Variants in IL1RAP observed in about 807,000 individuals in gnomAD.
The protein encoded by IL1RAP is interleukin 1 receptor accessory protein.
In IL1RAP, 35 loss-of-function variants were observed where a neutral mutation model predicts 60.7. That is an observed-to-expected ratio of 0.58 (90% CI 0.44 to 0.76). The LOEUF is 0.76. Ranked by LOEUF, IL1RAP falls within the 30% of genes least tolerant of loss-of-function variation. IL1RAP has a pLI of 0.00. For missense variants in IL1RAP, 572 were observed against 693.9 expected (o/e 0.82, Z 1.97); for synonymous variants, 268 against 250.9 (o/e 1.07, Z -0.64).
intron 1 of IL1RAP, chr3:190,518,031 G>C (rs781312139): frequency 1.3e-5 from 2 of 150,344 alleles, no homozygotes; most frequent in Non-Finnish European, 3.0e-5. Flanking sequence ...CAGAACATTT[G>C]GTAAGTGATA....
intron 1 of IL1RAP, among the ~76,000 whole-genome samples, chr3:190,522,326 C>G (rs554632650): frequency 1.4e-5 from 2 of 146,742 alleles, no homozygotes; most frequent in Admixed American, 6.7e-5. Flanking sequence ...TCCTTCCTTC[C>G]TTCCTTCCTT....
In IL1RAP at chr3:190,650,226, C is replaced by T. The variant is rs546454482; in HGVS notation, c.*1521C>T. The T allele has an allele frequency of 5.4e-4, 531 of 984,638 alleles. No homozygotes were observed. In the African/African-American group the frequency reaches 9.0e-3, roughly 17 times the overall value. 61.0% of individuals were successfully genotyped at this position (984,638 alleles called of 1,614,324 possible). A position where few individuals can be genotyped will look rare whatever the true frequency, so the allele number is the denominator to read the frequency against. ...TTTCTGTACATATTATTTGTTAATT[C>T]ACAGCTCACAGAGTGATAGTTGTCA... On this transcript the variant is annotated 3_prime_UTR_variant, in exon 12 of 12. Transcript: ENST00000447382.
At chr3:190,567,864 G>A (rs899178735) in intron 3 of IL1RAP, among the ~76,000 whole-genome samples, 2 of 151,874 alleles carry the variant, frequency 1.3e-5, no homozygotes, top group Non-Finnish European at 2.9e-5. Context: ...TAATAAACTC[G>A]AAGAAGTTCT....
chr3:190,532,437 T>C (rs535791183), intron 1 of IL1RAP, among the ~76,000 whole-genome samples: 15 of 152,180 alleles, frequency 9.9e-5, no homozygotes, highest in African/African-American at 3.4e-4. Flanking sequence ...TAATTTTTTG[T>C]ATTTTTAGTA....
chr3:190,603,134 A>G (rs1187171000), intron 3 of IL1RAP, among the ~76,000 whole-genome samples: 2 of 152,190 alleles, frequency 1.3e-5, no homozygotes, highest in African/African-American at 4.8e-5. Flanking sequence ...GGGTGGTAAG[A>G]TAGACTCTTG....
intron 3 of IL1RAP, among the ~76,000 whole-genome samples, chr3:190,590,754 T>G (rs1236446358): frequency 1.3e-5 from 2 of 152,240 alleles, no homozygotes; most frequent in African/African-American, 4.8e-5. Context: ...TGTTCCAGTC[T>G]TCCTGGGTTT....
At position 190,553,836 on chromosome 3, in the gene IL1RAP, G is replaced by A. The variant is rs909260054; in HGVS notation, c.-88-2294G>A. On this transcript the variant is annotated intron_variant, in intron 1 of 11. Coordinates refer to ENST00000447382, the MANE Select transcript of IL1RAP (RefSeq NM_002182.4). ...AGCACTTTGGGAGGCCGAGGCGGGC[G>A]GATCACGAGGTCAGGAGATCGAGAC... Among the ~76,000 whole-genome samples, 24 of 151,924 alleles carry A rather than the reference G, an allele frequency of 1.6e-4. 1 individual carries two copies. The highest frequency in any genetic ancestry group is 5.8e-4 in the African/African-American group (24 of 41,494).
chr3:190,534,913 T>TAAAAAAAAAAA (rs77663032), intron 1 of IL1RAP, among the ~76,000 whole-genome samples: 1 of 127,526 alleles, frequency 7.8e-6, no homozygotes, highest in African/African-American at 3.0e-5. Context: ...GTAAGAGAAT[T>TAAAAAAAAAAA]AAAAAAAAAA....
intron 3 of IL1RAP, among the ~76,000 whole-genome samples, chr3:190,571,546 T>G (rs1264685847): frequency 1.3e-5 from 2 of 152,068 alleles, no homozygotes; most frequent in Non-Finnish European, 2.9e-5. Flanking sequence ...ACAACTATAG[T>G]TGAAATATAG....
rs6787861 is a variant in IL1RAP at position 190,634,738 on chromosome 3, A to T, written c.1051+5240A>T. 4.3e-5 allele frequency among the ~76,000 whole-genome samples: 6 copies of T among 140,756 alleles called. 1 individual carries two copies. The East Asian group carries it at 6.5e-4, about 15-fold the overall frequency. The allele number at this position is 140,756 out of a possible 152,430, so 92.3% of individuals were successfully genotyped here. A position where few individuals can be genotyped will look rare whatever the true frequency, so the allele number is the denominator to read the frequency against. On this transcript the variant is annotated intron_variant, in intron 9 of 11. Coordinates refer to ENST00000447382, the MANE Select transcript of IL1RAP (RefSeq NM_002182.4). Reference sequence around the variant, plus strand: ...TTTTTTGTTGTTGTTTTTTTTGAGAAGGAGTCTCGCTCTTTCGCCCAGGCT... The same window carrying T: ...TTTTTTGTTGTTGTTTTTTTTGAGATGGAGTCTCGCTCTTTCGCCCAGGCT...
rs1730828875 is a variant in IL1RAP at position 190,611,568 on chromosome 3, A to G, written c.537+2387A>G. On this transcript the variant is annotated intron_variant, in intron 5 of 11. Transcript: ENST00000447382. ...GCATGCATATATAGGTGAAAAGTAT[A>G]TAAATAAAAACAAGGAAGTGATTTT... is the stretch of plus-strand genomic sequence containing the variant. Among the ~76,000 whole-genome samples, 3 of 152,256 alleles carry G rather than the reference A, an allele frequency of 2.0e-5. No homozygotes were observed. In the South Asian group the frequency reaches 6.2e-4, roughly 31 times the overall value.
chr3:190,652,425 G>T (rs573647243), downstream of IL1RAP, among the ~76,000 whole-genome samples: 17 of 151,428 alleles, frequency 1.1e-4, no homozygotes, highest in African/African-American at 3.4e-4. Context: ...TTGCACCACT[G>T]GACTCCAGCC....
chr3:190,609,508 A>C (rs1003945194), intron 5 of IL1RAP, among the ~76,000 whole-genome samples: 5 of 152,176 alleles, frequency 3.3e-5, no homozygotes, highest in African/African-American at 1.2e-4. Flanking sequence ...TAAGCTGTTA[A>C]TTCTTGTGGT....
At chr3:190,554,356 C>T (rs1358350552) in intron 1 of IL1RAP, among the ~76,000 whole-genome samples, 1 of 152,082 alleles carries the variant, frequency 6.6e-6, no homozygotes, top group African/African-American at 2.4e-5. Context: ...TGGTTACTAC[C>T]CAGGAACAGG....
chr3:190,536,708 A>G (rs1222689044), intron 1 of IL1RAP, among the ~76,000 whole-genome samples: 1 of 152,222 alleles, frequency 6.6e-6, no homozygotes, highest in East Asian at 1.9e-4. Flanking sequence ...TCATAATGCT[A>G]CATAAGTGTG....
chr3:190,534,913 TAAAAAA>T (rs77663032), intron 1 of IL1RAP, among the ~76,000 whole-genome samples: 181 of 127,526 alleles, frequency 1.4e-3, no homozygotes, highest in Non-Finnish European at 1.9e-3. Flanking sequence ...GTAAGAGAAT[TAAAAAA>T]AAAAAAAAAA....
Position 190,612,214 on chromosome 3 carries a change from G to A in IL1RAP, c.537+3033G>A, listed in dbSNP as rs554985729. On this transcript the variant is annotated intron_variant, in intron 5 of 11. Transcript: ENST00000447382. ...GAGGCTAGTAAAGATACAGGAGCTC[G>A]TTGTCCTCTCTCTGATTATAATTTT... Among the ~76,000 whole-genome samples, 116 of 152,060 alleles carry A rather than the reference G, an allele frequency of 7.6e-4. 1 individual carries two copies. Among genetic ancestry groups the A allele is most frequent in the South Asian group, 8.3e-4 (4 of 4,822 alleles).
chr3:190,522,352 C>G (rs1264623993), intron 1 of IL1RAP, among the ~76,000 whole-genome samples: 1 of 142,784 alleles, frequency 7.0e-6, no homozygotes, highest in Non-Finnish European at 1.6e-5. Flanking sequence ...CTCCCTCCCT[C>G]CCTTCGTTCC....
intron 3 of IL1RAP, among the ~76,000 whole-genome samples, chr3:190,593,154 A>AT (rs971962390): frequency 1.3e-4 from 19 of 142,498 alleles, no homozygotes; most frequent in Admixed American, 5.6e-4. Flanking sequence ...GCTATTTTCC[A>AT]TTTTTTTTTC....
Sources: gnomAD v4.1 joint callset for allele counts (sites outside exome capture counted in the v4.1 genomes callset) on GRCh38, gnomAD v4.1.1 for gene constraint, MANE v1.5 for transcripts, NCBI Gene and HGNC (gene_info 2026-07-23, HGNC 2026-07-21) for gene names.